Variants in FAT3 observed in about 807,000 individuals in gnomAD.
FAT3 encodes the protein FAT atypical cadherin 3, also known as protocadherin Fat 3.
In FAT3, 95 loss-of-function variants were observed where a neutral mutation model predicts 310.2. The observed-to-expected ratio is 0.31, with a 90% CI of 0.26 to 0.36. The LOEUF is 0.36. Ranked by LOEUF, FAT3 falls within the 10% of genes least tolerant of loss-of-function variation. The pLI, the probability that FAT3 is intolerant of heterozygous loss-of-function variation, is 1.00. For missense variants in FAT3, 5,408 were observed against 5,715.6 expected, an observed-to-expected ratio of 0.95 and a Z score of 1.74; for synonymous variants, 2,314 against 2,192.9, an observed-to-expected ratio of 1.06 and a Z score of -1.54.
At chr11:92,474,202 C>T (rs1951987629) in intron 2 of FAT3, among the ~76,000 whole-genome samples, 2 of 152,178 alleles carry the variant, frequency 1.3e-5, no homozygotes, top group Admixed American at 1.3e-4. Flanking sequence ...TGCTTAATGG[C>T]AGCTCCTAGA....
intron 3 of FAT3, among the ~76,000 whole-genome samples, chr11:92,621,423 G>A (rs945936633): frequency 8.5e-5 from 13 of 152,160 alleles, no homozygotes; most frequent in Admixed American, 2.6e-4. Context: ...CTTAAGGCTT[G>A]TATTTCATCC....
At chr11:92,805,088 G>C (rs1401145725) in intron 10 of FAT3, 65 bp from the exon 11 acceptor site, 1 of 1,533,038 alleles carries the variant, frequency 6.5e-7, no homozygotes, top group Non-Finnish European at 8.8e-7. Context: ...CACCTCTCAA[G>C]GTAGATGTAG....
intron 2 of FAT3, among the ~76,000 whole-genome samples, chr11:92,390,450 A>T (rs553045746): frequency 1.3e-5 from 2 of 152,288 alleles, no homozygotes; most frequent in South Asian, 4.1e-4. Context: ...TGAAATGAAC[A>T]TCTGAAGTCA....
chr11:92,324,684 T>C (rs1947719355), intron 1 of FAT3, among the ~76,000 whole-genome samples: 1 of 152,166 alleles, frequency 6.6e-6, no homozygotes, highest in Non-Finnish European at 1.5e-5. Flanking sequence ...GAGAACATGC[T>C]GTTGGAAAAA....
At chr11:92,633,446 C>T (rs539848916) in intron 3 of FAT3, among the ~76,000 whole-genome samples, 17 of 152,094 alleles carry the variant, frequency 1.1e-4, no homozygotes, top group South Asian at 2.1e-4. Context: ...AAAATTAGGA[C>T]GATGATGTGA....
intron 2 of FAT3, among the ~76,000 whole-genome samples, chr11:92,388,383 G>T (rs1949675499): frequency 6.6e-6 from 1 of 152,022 alleles, no homozygotes; most frequent in Non-Finnish European, 1.5e-5. Flanking sequence ...GGAAGGTAGT[G>T]CTTATTCCTC....
At position 92,354,843 on chromosome 11, in the gene FAT3, G is replaced by C. The variant is rs776104026; in HGVS notation, c.2731G>C (p.Glu911Gln). 2 of 1,613,924 alleles carry C rather than the reference G, an allele frequency of 1.2e-6. No homozygotes were observed. Among genetic ancestry groups the C allele is most frequent in the Non-Finnish European group, 1.7e-6 (2 of 1,179,872 alleles). ...GAAAATAGAAGCCAGGGACAAGGCA[G>C]AGAGTGGTCAGCAGCTGTTTTCAGT... ...SLKIEARDKA[E>Q]SGQQLFSVVT... The change falls in exon 2 of 28, where the codon GAG becomes CAG. Residue 911 changes from glutamate (E) to glutamine (Q), a missense_variant. Glu to Gln is a conservative substitution (Grantham distance 29). This residue lies in a region of FAT3 where 4,588 missense variants were observed against 4,809.8 expected (regional missense o/e 0.95). Coordinates refer to ENST00000525166, the MANE Select transcript of FAT3 (RefSeq NM_001367949.2).
At chr11:92,697,268 G>C in intron 3 of FAT3, 116 bp from the exon 4 acceptor site, 2 of 730,454 alleles carry the variant, frequency 2.7e-6, no homozygotes, top group Non-Finnish European at 4.6e-6. Context: ...ATGGGGGATT[G>C]GAAAGTTACA....
In FAT3 at chr11:92,352,775, T is replaced by C. The variant is rs1948602698; in HGVS notation, c.663T>C (p.Tyr221=). The C allele has an allele frequency of 6.8e-6, 11 of 1,613,862 alleles. No individual in the cohort carries two copies. The highest frequency in any genetic ancestry group is 9.3e-6 in the Non-Finnish European group (11 of 1,179,880). ...GVISLSGRLN[Y]DEKNRYDLEI... ...TCTCCTTAAGTGGTCGATTAAATTA[T>C]GATGAAAAGAATAGGTATGATCTGG... is the stretch of plus-strand genomic sequence containing the variant. Residue 221 remains tyrosine (Y), a synonymous_variant, in exon 2 of 28, where the codon TAT becomes TAC. Coordinates refer to ENST00000525166, the MANE Select transcript of FAT3 (RefSeq NM_001367949.2).
At chr11:92,399,801 G>T (rs1188473510) in intron 2 of FAT3, among the ~76,000 whole-genome samples, 1 of 152,148 alleles carries the variant, frequency 6.6e-6, no homozygotes, top group African/African-American at 2.4e-5. Flanking sequence ...GCCACAGACA[G>T]CCTAGATGTT....
intron 3 of FAT3, among the ~76,000 whole-genome samples, chr11:92,548,774 TGA>T (rs1234030489): frequency 6.6e-6 from 1 of 152,120 alleles, no homozygotes; most frequent in Non-Finnish European, 1.5e-5. Flanking sequence ...AGGGAAGAAG[TGA>T]GAGAGGGGGT....
At chr11:92,764,840 G>T in intron 5 of FAT3, 39 bp from the exon 6 acceptor site, 8 of 1,578,342 alleles carry the variant, frequency 5.1e-6, no homozygotes, top group Non-Finnish European at 6.9e-6. Flanking sequence ...AACAATCAGA[G>T]GTCTGAGACA....
intron 13 of FAT3, 40 bp downstream of exon 13, chr11:92,810,116 A>C: frequency 6.4e-7 from 1 of 1,573,740 alleles, no homozygotes; most frequent in East Asian, 2.3e-5. Flanking sequence ...CACAGTGGAC[A>C]CTTTGTCTTC....
At chr11:92,604,895 C>T (rs1300995394) in intron 3 of FAT3, among the ~76,000 whole-genome samples, 4 of 152,188 alleles carry the variant, frequency 2.6e-5, no homozygotes, top group Admixed American at 6.5e-5. Context: ...TGCCCATGAA[C>T]AAATTATTTA....
chr11:92,263,709 G>T (rs1458272245), intron 1 of FAT3, among the ~76,000 whole-genome samples: 2 of 151,856 alleles, frequency 1.3e-5, no homozygotes, highest in Admixed American at 6.6e-5. Flanking sequence ...AATTCAAAAT[G>T]ATTAAAAATG....
chr11:92,840,482 ATTTGT>A (rs1948510647), intron 17 of FAT3, 75 bp from the exon 18 acceptor site: 8 of 1,281,312 alleles, frequency 6.2e-6, no homozygotes, highest in South Asian at 3.8e-5. Flanking sequence ...GGTATTTTTG[ATTTGT>A]TTTGTTTTGT....
At chr11:92,853,912 G>A (rs1948901219) in intron 19 of FAT3, among the ~76,000 whole-genome samples, 2 of 152,166 alleles carry the variant, frequency 1.3e-5, no homozygotes, top group Admixed American at 6.5e-5. Flanking sequence ...CAGCCCCCAG[G>A]CTTCAGATAG....
At chr11:92,644,749 G>T (rs1942088900) in intron 3 of FAT3, among the ~76,000 whole-genome samples, 1 of 152,194 alleles carries the variant, frequency 6.6e-6, no homozygotes, top group Non-Finnish European at 1.5e-5. Context: ...CTCATTGCTG[G>T]CCCAGGTATT....
chr11:92,603,794 C>CA (rs1464993899), intron 3 of FAT3, among the ~76,000 whole-genome samples: 1 of 152,152 alleles, frequency 6.6e-6, no homozygotes, highest in Non-Finnish European at 1.5e-5. Flanking sequence ...TACCAAAAAC[C>CA]AAAAAGAACA....
Sources: allele counts gnomAD v4.1 joint callset (sites outside exome capture counted in the v4.1 genomes callset), GRCh38; gene constraint gnomAD v4.1.1; regional missense constraint gnomAD v4.1.1; transcripts MANE v1.5; gene names NCBI Gene and HGNC (gene_info 2026-07-23, HGNC 2026-07-21).